POLB: variants seen among roughly 807,000 people sequenced by gnomAD.
The protein encoded by POLB is 5'-dRP lyase.
A neutral mutation model predicts 52.7 loss-of-function variants in POLB; 37 were observed. That is an observed-to-expected ratio of 0.70 (90% CI 0.54 to 0.92). The LOEUF (loss-of-function observed/expected upper bound fraction) is 0.92. POLB is among the 40% of genes least tolerant of loss of function. The pLI, the probability that POLB is intolerant of heterozygous loss-of-function variation, is 0.00. For synonymous variants in POLB, 138 were observed against 131.3 expected (o/e 1.05, Z -0.35); for missense variants, 313 against 400.8 (o/e 0.78, Z 1.87).
intron 3 of POLB, among the ~76,000 whole-genome samples, 186 bp downstream of exon 3, chr8:42,345,205 T>G (rs1822534772): frequency 6.6e-6 from 1 of 152,214 alleles, no homozygotes; most frequent in South Asian, 2.1e-4. Context: ...ATGTTTTCAT[T>G]TGGGAGAAGA....
intron 11 of POLB, among the ~76,000 whole-genome samples, chr8:42,363,482 C>T (rs1242750492): frequency 2.1e-5 from 3 of 139,578 alleles, no homozygotes; most frequent in East Asian, 2.1e-4. Context: ...GAGCCGAGAT[C>T]GCACCACTGC....
intron 11 of POLB, among the ~76,000 whole-genome samples, chr8:42,365,494 A>T (rs1232848913): frequency 6.6e-6 from 1 of 152,226 alleles, no homozygotes; most frequent in Non-Finnish European, 1.5e-5. Context: ...ATTCAGTCAG[A>T]TAAAATCCTA....
At chr8:42,365,348 C>G (rs1007743350) in intron 11 of POLB, among the ~76,000 whole-genome samples, 1 of 152,204 alleles carries the variant, frequency 6.6e-6, no homozygotes. Context: ...AAGTCTTACT[C>G]TGTTCCCAAA....
chr8:42,363,794 T>G (rs1823869442), intron 11 of POLB, among the ~76,000 whole-genome samples: 1 of 151,902 alleles, frequency 6.6e-6, no homozygotes, highest in Non-Finnish European at 1.5e-5. Context: ...GGAATGATAA[T>G]GAGGAAAGTT....
Position 42,350,019 on chromosome 8 carries a change from G to A in POLB, c.274G>A (p.Asp92Asn). 1 of 1,605,738 alleles carries A rather than the reference G, an allele frequency of 6.2e-7. No homozygotes were observed. Residue 92 changes from aspartate (D) to asparagine (N), a missense_variant, in exon 5 of 14, where the codon GAT becomes AAT. Transcript: ENST00000265421. ...TTTTTTCTTAAAGATTCGGCAGGAT[G>A]ATACGAGTTCATCCATCAATTTCCT... ...LRKLEKIRQD[D>N]TSSSINFLTR...
intron 11 of POLB, among the ~76,000 whole-genome samples, chr8:42,364,300 C>A (rs888879191): frequency 6.6e-6 from 1 of 151,940 alleles, no homozygotes; most frequent in African/African-American, 2.4e-5. Context: ...AGTGCAGTGG[C>A]GAAACATGGC....
Position 42,344,946 on chromosome 8 carries a change from C to G in POLB, c.120-7C>G. On this transcript the variant is annotated splice_region_variant and splice_polypyrimidine_tract_variant and intron_variant, in intron 2 of 13. Transcript: ENST00000265421. ...TAATTGGTTTTCCTTTTCTTCTTTCCTTATAGAAAAGCAGCATCTGTTATA... is the reference window on the plus strand; with the variant it reads ...TAATTGGTTTTCCTTTTCTTCTTTCGTTATAGAAAAGCAGCATCTGTTATA... 1 of 1,574,312 alleles carries G rather than the reference C, an allele frequency of 6.4e-7. No homozygotes were observed. Among genetic ancestry groups the G allele is most frequent in the Non-Finnish European group, 8.7e-7 (1 of 1,144,542 alleles).
intron 11 of POLB, among the ~76,000 whole-genome samples, chr8:42,368,247 C>T (rs1411032003): frequency 6.6e-6 from 1 of 152,174 alleles, no homozygotes; most frequent in African/African-American, 2.4e-5. Flanking sequence ...GTGGAAATGA[C>T]TTCTGATCCA....
intron 3 of POLB, among the ~76,000 whole-genome samples, chr8:42,347,186 T>G (rs751860802): frequency 1.3e-5 from 2 of 151,820 alleles, no homozygotes; most frequent in African/African-American, 2.4e-5. Flanking sequence ...GTTGTAAAAA[T>G]CTCATCATTA....
intron 2 of POLB, chr8:42,341,980 A>G (rs1299788420): frequency 2.7e-6 from 2 of 745,074 alleles, no homozygotes; most frequent in Non-Finnish European, 4.9e-6. Flanking sequence ...TTATGTATTG[A>G]GAGAACTGTT....
intron 6 of POLB, among the ~76,000 whole-genome samples, chr8:42,355,255 G>T (rs1362760837): frequency 6.6e-6 from 1 of 151,796 alleles, no homozygotes; most frequent in African/African-American, 2.4e-5. Flanking sequence ...GGCCAGGCTG[G>T]TCTCGAACTC....
Position 42,350,076 on chromosome 8 carries a change from T to C in POLB, c.320+11T>C, listed in dbSNP as rs1030232850. On this transcript the variant is annotated intron_variant, in intron 5 of 13. Transcript: ENST00000265421. ...AGTTAGTGGCATTGGGTAAGAACTA[T>C]TTTTTAAGCAGACACAATCGTCAGT... 4 of 1,544,334 alleles carry C rather than the reference T, an allele frequency of 2.6e-6. No individual in the cohort carries two copies. The Admixed American group carries it at 6.7e-5, about 26-fold the overall frequency.
At chr8:42,361,498 A>G (rs1823682443) in intron 10 of POLB, 133 bp downstream of exon 10, 1 of 665,024 alleles carries the variant, frequency 1.5e-6, no homozygotes, top group Admixed American at 2.6e-5. Flanking sequence ...CTTTGTACTG[A>G]TTGAATTCTG....
chr8:42,359,734 C>T (rs112161280), intron 9 of POLB, among the ~76,000 whole-genome samples: 82 of 151,476 alleles, frequency 5.4e-4, no homozygotes, highest in Non-Finnish European at 1.0e-3. Flanking sequence ...TTTATCCAGT[C>T]CGCTATTAAT....
chr8:42,347,114 C>T lies in POLB; in HGVS notation c.187-1902C>T, dbSNP rs557000646. 3.9e-5 allele frequency among the ~76,000 whole-genome samples: 6 copies of T among 152,096 alleles called. No homozygotes were observed. In the South Asian group the frequency reaches 6.2e-4, roughly 16 times the overall value. The stretch of plus-strand genomic sequence containing the variant: ...TCTGATACACTTCATCTCAAATCTG[C>T]GCTTATGGTATATTCCTAAAAAGAA... On this transcript the variant is annotated intron_variant, in intron 3 of 13. Transcript: ENST00000265421.
intron 6 of POLB, among the ~76,000 whole-genome samples, chr8:42,353,313 G>T (rs1039440345): frequency 6.6e-6 from 1 of 150,930 alleles, no homozygotes; most frequent in Non-Finnish European, 1.5e-5. Context: ...GGGTTTCACT[G>T]TGTTAGCCAG....
intron 2 of POLB, among the ~76,000 whole-genome samples, chr8:42,341,227 G>A (rs748223621): frequency 1.1e-4 from 16 of 152,102 alleles, no homozygotes; most frequent in Non-Finnish European, 1.5e-4. Flanking sequence ...TCTTTACCTT[G>A]ATAAAACCCA....
At chr8:42,342,940 G>A (rs1292949874) in intron 2 of POLB, among the ~76,000 whole-genome samples, 1 of 152,112 alleles carries the variant, frequency 6.6e-6, no homozygotes, top group Non-Finnish European at 1.5e-5. Flanking sequence ...TGTAATCCTA[G>A]CACTTTGGGA....
Position 42,338,504 on chromosome 8 carries a change from C to T in POLB, c.-121C>T, listed in dbSNP as rs909510992. 24 of 839,090 alleles carry T rather than the reference C, an allele frequency of 2.9e-5. No homozygotes were observed. The highest frequency in any genetic ancestry group is 1.6e-4 in the Admixed American group (8 of 50,822). 52.0% of individuals were successfully genotyped at this position (839,090 alleles called of 1,614,324 possible). A position where few individuals can be genotyped will look rare whatever the true frequency, so the allele number is the denominator to read the frequency against. On this transcript the variant is annotated 5_prime_UTR_variant, in exon 1 of 14. Coordinates refer to ENST00000265421, the MANE Select transcript of POLB (RefSeq NM_002690.3). Reference sequence around the variant, plus strand: ...CCATCGGGGGCAACCATTGTTCCGCCGGTCGCGCCGGAGCTGGGTTGCTCC... The same window carrying T: ...CCATCGGGGGCAACCATTGTTCCGCTGGTCGCGCCGGAGCTGGGTTGCTCC...
Sources: allele counts gnomAD v4.1 joint callset (sites outside exome capture counted in the v4.1 genomes callset), GRCh38; gene constraint gnomAD v4.1.1; transcripts MANE v1.5; gene names NCBI Gene and HGNC (gene_info 2026-07-23, HGNC 2026-07-21).